Variants in NOTCH3 observed in about 807,000 individuals in gnomAD.
The protein encoded by NOTCH3 is neurogenic locus notch homolog protein 3.
In NOTCH3, 86 loss-of-function variants were observed where a neutral mutation model predicts 213.3. That is an observed-to-expected ratio of 0.40 (90% CI 0.34 to 0.48). The LOEUF (loss-of-function observed/expected upper bound fraction) is 0.48. Ranked by LOEUF, NOTCH3 falls within the 20% of genes least tolerant of loss-of-function variation. The pLI, the probability that NOTCH3 is intolerant of heterozygous loss-of-function variation, is 0.57. For synonymous variants in NOTCH3, 1,354 were observed against 1,355.9 expected, an observed-to-expected ratio of 1.00 and a Z score of 0.03; for missense variants, 2,783 against 3,272.6, an observed-to-expected ratio of 0.85 and a Z score of 3.65.
chr19:15,192,731 A>G (rs1350575101), intron 2 of NOTCH3, among the ~76,000 whole-genome samples: 1 of 152,186 alleles, frequency 6.6e-6, no homozygotes, highest in East Asian at 1.9e-4. Flanking sequence ...CCTAGCCAAC[A>G]TGGTGTAACC....
Position 15,178,900 on chromosome 19 carries a change from G to T in NOTCH3, c.3760C>A (p.Pro1254Thr), listed in dbSNP as rs546981624. The change falls in exon 23 of 33, where the codon CCA (proline) becomes ACA (threonine). Residue 1254 changes from proline to threonine, a missense_variant. Physicochemically the swap from Pro to Thr is conservative, Grantham distance 38. This residue lies in a region of NOTCH3 where 861 missense variants were observed against 909.1 expected (regional missense o/e 0.95). Coordinates refer to ENST00000263388, the MANE Select transcript of NOTCH3 (RefSeq NM_000435.3). ...CGGCACTGGCCTCCATGCTGGCATG[G>T]CTGGGACTCGCAGGGAGACAGGACA... ...QTVLSPCESQ[P>T]CQHGGQCRPS... The T allele has an allele frequency of 6.2e-7, 1 of 1,612,946 alleles. No homozygotes were observed. The highest frequency in any genetic ancestry group is 1.1e-5 in the South Asian group (1 of 90,870).
intron 31 of NOTCH3, among the ~76,000 whole-genome samples, chr19:15,163,569 G>A (rs116397825): frequency 0.019 from 2,841 of 152,288 alleles, 53 homozygotes; most frequent in African/African-American, 0.049. Flanking sequence ...AGTGGCTCAC[G>A]CCTATAATCT....
rs1401870864 is a variant in NOTCH3, at chr19:15,180,749, G to T, written c.3074C>A (p.Pro1025His). The change falls in exon 19 of 33, where the codon CCC becomes CAC. Residue 1025 changes from proline to histidine, a missense_variant. Coordinates refer to ENST00000263388, the MANE Select transcript of NOTCH3 (RefSeq NM_000435.3). ...CVQTGAYCLC[P>H]PGWSGRLCDI... Reference sequence around the variant, plus strand: ...ACAGAGGCGTCCGCTCCATCCAGGGGGACAAAGGCAATAGGCCCCAGTCTG... The same window carrying T: ...ACAGAGGCGTCCGCTCCATCCAGGGTGACAAAGGCAATAGGCCCCAGTCTG... 4 of 1,592,932 alleles carry T rather than the reference G, an allele frequency of 2.5e-6. No individual in the cohort carries two copies. Among genetic ancestry groups the T allele is most frequent in the Non-Finnish European group, 3.4e-6 (4 of 1,170,696 alleles).
At position 15,184,261 on chromosome 19, in the gene NOTCH3, A is replaced by C. The variant is rs531241784; in HGVS notation, c.2566+34T>G. ...TTCAAGCTTAATGACTGTGTTCCCC[A>C]GAGCAGCACCCCCAAGAGCTCCCCT... On this transcript the variant is annotated intron_variant, in intron 16 of 32. Transcript: ENST00000263388. 24 of 1,608,530 alleles carry C rather than the reference A, an allele frequency of 1.5e-5. No homozygotes were observed. The East Asian group carries it at 5.4e-4, about 36-fold the overall frequency.
At chr19:15,170,202 G>C (rs2046719958) in intron 27 of NOTCH3, 32 bp from the exon 28 acceptor site, 1 of 1,544,404 alleles carries the variant, frequency 6.5e-7, no homozygotes, top group African/African-American at 1.4e-5. Context: ...GGATGTGAGG[G>C]GGACACTAGA....
At chr19:15,186,389 G>GTA in intron 12 of NOTCH3, among the ~76,000 whole-genome samples, 1 of 60,264 alleles carries the variant, frequency 1.7e-5, no homozygotes, top group Non-Finnish European at 3.9e-5. Context: ...ATGTGTGTGT[G>GTA]TGTGTGTGTG....
chr19:15,167,450 T>C (rs2046695571), intron 28 of NOTCH3, 39 bp from the exon 29 acceptor site: 1 of 1,596,202 alleles, frequency 6.3e-7, no homozygotes. Flanking sequence ...ATCTCACCCT[T>C]TGGTGCTGGG....
Position 15,174,356 on chromosome 19 carries a change from C to T in NOTCH3, c.4448G>A (p.Arg1483His), listed in dbSNP as rs940480447. The T allele has an allele frequency of 4.5e-6, 7 of 1,545,768 alleles. No homozygotes were observed. The Admixed American group carries it at 1.2e-4, about 26-fold the overall frequency. ...CTCCGTGTTGCAGCCCTGGTCGCAG[C>T]GGCCGTCGGCAAAGTGGTCGGCGCA... ...KYCADHFADGRCDQGCNTEEC... is the reference protein window; with the variant it reads ...KYCADHFADGHCDQGCNTEEC... Residue 1483 changes from arginine (R) to histidine (H), a missense_variant, in exon 25 of 33, where the codon CGC becomes CAC. Transcript: ENST00000263388.
chr19:15,194,081 A>G (rs1217384982), intron 2 of NOTCH3, among the ~76,000 whole-genome samples: 1 of 151,380 alleles, frequency 6.6e-6, no homozygotes, highest in Non-Finnish European at 1.5e-5. Context: ...GACTCCACCT[A>G]AAAAATAAAA....
rs138265894 is a variant in NOTCH3 at position 15,165,944 on chromosome 19, C to T, written c.5510G>A (p.Arg1837His). The change falls in exon 30 of 33, where the codon CGT becomes CAT. Residue 1837 changes from arginine to histidine, a missense_variant. By Grantham distance (29) the Arg-to-His change is conservative (BLOSUM62 0). Coordinates refer to ENST00000263388, the MANE Select transcript of NOTCH3 (RefSeq NM_000435.3). This position sits in a 1 kb window ranked among gnomAD's most constrained non-coding sequence, Gnocchi z 4.7. ...CAGGTGCAAAGCAGTCTCGCCAGTA[C>T]GGTCAGTCCGTGCCCCAAGCTGAGC... ...QGAQLGARTD[R>H]TGETALHLAA... is the part of the protein sequence containing the mutation. 4.0e-4 allele frequency: 647 copies of T among 1,614,130 alleles called. 2 individuals are homozygous for T. Among genetic ancestry groups the T allele is most frequent in the East Asian group, 2.5e-4 (11 of 44,872 alleles).
intron 9 of NOTCH3, 102 bp downstream of exon 9, chr19:15,188,133 T>G: frequency 9.5e-7 from 1 of 1,057,236 alleles, no homozygotes; most frequent in Non-Finnish European, 1.4e-6. Flanking sequence ...ATATGGTTTC[T>G]ATTGTAAGTT....
At chr19:15,195,797 C>T (rs1403898712) in intron 2 of NOTCH3, among the ~76,000 whole-genome samples, 3 of 151,570 alleles carry the variant, frequency 2.0e-5, no homozygotes, top group African/African-American at 7.3e-5. Context: ...CGCGGGCCCC[C>T]TCCCGACGCC....
intron 9 of NOTCH3, 42 bp downstream of exon 9, chr19:15,188,193 C>T (rs1269530509): frequency 6.8e-7 from 1 of 1,469,454 alleles, no homozygotes; most frequent in Non-Finnish European, 9.4e-7. Flanking sequence ...TTTGCCCCTT[C>T]CCAGACATGT....
intron 25 of NOTCH3, among the ~76,000 whole-genome samples, chr19:15,173,291 G>A (rs1423326109): frequency 1.3e-5 from 2 of 149,760 alleles, no homozygotes; most frequent in Non-Finnish European, 3.0e-5. Context: ...GCATGGTGGC[G>A]GCCGCCTGTA....
chr19:15,185,914 T>C lies in NOTCH3; in HGVS notation c.1952-235A>G, dbSNP rs111995342. ...CCCTTTCTTTTTCTTTTCTTCTTCT[T>C]CTTATTTTTTGAGATGGGGTCTCAC... On this transcript the variant is annotated intron_variant, in intron 12 of 32. Transcript: ENST00000263388. The surrounding 1 kb of genome is among the most constrained non-coding windows in gnomAD (Gnocchi z 4.2). 0.011 allele frequency among the ~76,000 whole-genome samples: 1,730 copies of C among 152,190 alleles called. 24 individuals are homozygous for C. Among genetic ancestry groups the C allele is most frequent in the African/African-American group, 0.037 (1,548 of 41,498 alleles).
At chr19:15,173,314 C>T (rs1186158080) in intron 25 of NOTCH3, among the ~76,000 whole-genome samples, 1 of 144,422 alleles carries the variant, frequency 6.9e-6, no homozygotes, top group Non-Finnish European at 1.5e-5. Flanking sequence ...CCCAGCTACT[C>T]GGGAGGCTGA....
intron 25 of NOTCH3, among the ~76,000 whole-genome samples, chr19:15,173,150 G>T: frequency 7.7e-6 from 1 of 130,390 alleles, no homozygotes; most frequent in Admixed American, 8.3e-5. Flanking sequence ...GGCCGGGCAT[G>T]GTGGCTCACG....
intron 20 of NOTCH3, among the ~76,000 whole-genome samples, 179 bp downstream of exon 20, chr19:15,179,893 A>T (rs1465076681): frequency 6.7e-6 from 1 of 150,128 alleles, no homozygotes; most frequent in Admixed American, 6.6e-5. Context: ...AAAAACAAAC[A>T]AATAAAAAAA....
rs1329245732 is a variant in NOTCH3, at chr19:15,192,537, T to C, written c.198-18A>G. 2 of 1,569,498 alleles carry C rather than the reference T, an allele frequency of 1.3e-6. No individual in the cohort carries two copies. Among genetic ancestry groups the C allele is most frequent in the Non-Finnish European group, 1.7e-6 (2 of 1,158,132 alleles). ...GCGGGCACCTGTGGGCAGAGATGGC[T>C]TGGTTGGGCAGCACAGGGCAGGATG... is the stretch of plus-strand genomic sequence containing the variant. On this transcript the variant is annotated intron_variant, in intron 2 of 32. Coordinates refer to ENST00000263388, the MANE Select transcript of NOTCH3 (RefSeq NM_000435.3).
Sources: allele counts gnomAD v4.1 joint callset (sites outside exome capture counted in the v4.1 genomes callset), GRCh38; gene constraint gnomAD v4.1.1; regional missense constraint gnomAD v4.1.1; non-coding constraint Gnocchi (gnomAD v3.1); transcripts MANE v1.5; gene names NCBI Gene and HGNC (gene_info 2026-07-23, HGNC 2026-07-21).